The following INPP5A variants were observed in gnomAD, a reference collection of about 807,000 sequenced individuals.
INPP5A encodes the protein inositol polyphosphate-5-phosphatase A, also known as 43 kDa inositol polyphosphate 5-phophatase.
Under a neutral mutation model 65.2 loss-of-function variants are expected in INPP5A, and 14 were observed. That is an observed-to-expected ratio of 0.21 (90% CI 0.14 to 0.34). INPP5A has a LOEUF of 0.34. Among genes scored for constraint, INPP5A ranks in the 10% least tolerant of loss-of-function variants. The pLI is 1.00. For synonymous variants in INPP5A, 207 were observed against 208.3 expected, an observed-to-expected ratio of 0.99 and a Z score of 0.05; for missense variants, 431 against 545.6, an observed-to-expected ratio of 0.79 and a Z score of 2.09.
At chr10:132,763,157 C>G (rs1193598555) in intron 11 of INPP5A, among the ~76,000 whole-genome samples, 4 of 152,206 alleles carry the variant, frequency 2.6e-5, no homozygotes, top group Non-Finnish European at 4.4e-5. Flanking sequence ...GGGAACCTGC[C>G]ATCAGCATTT....
intron 9 of INPP5A, among the ~76,000 whole-genome samples, chr10:132,729,042 G>T (rs542696009): frequency 0.022 from 3,160 of 144,540 alleles, 51 homozygotes; most frequent in South Asian, 0.05. Context: ...GGACTCCAGG[G>T]CCTGTGGGGC....
At chr10:132,664,779 CCTT>C (rs2072780834) in intron 4 of INPP5A, among the ~76,000 whole-genome samples, 1 of 152,240 alleles carries the variant, frequency 6.6e-6, no homozygotes, top group Non-Finnish European at 1.5e-5. Context: ...AACCACCCAT[CCTT>C]CTGTCCCAAG....
chr10:132,623,326 T>G (rs901420486), intron 2 of INPP5A, among the ~76,000 whole-genome samples: 1 of 151,670 alleles, frequency 6.6e-6, no homozygotes, highest in African/African-American at 2.4e-5. Flanking sequence ...GAAAAGAGAT[T>G]AAGAACTAGA....
intron 2 of INPP5A, among the ~76,000 whole-genome samples, chr10:132,634,450 C>T (rs1185365565): frequency 1.3e-5 from 2 of 152,222 alleles, no homozygotes; most frequent in Admixed American, 6.5e-5. Flanking sequence ...GGTGAGTGTG[C>T]CACGGAGAGG....
rs1481501491 is a variant in INPP5A, at chr10:132,546,684, C to T, written c.75+8513C>T. ...GTGGGGTCTCCTGGCTCCTGCAGAT[C>T]TGTGTAGCCTGCACTGAACTGCCCC... On this transcript the variant is annotated intron_variant, in intron 1 of 15. Coordinates refer to ENST00000368594, the MANE Select transcript of INPP5A (RefSeq NM_005539.5). This position sits in a 1 kb window ranked among gnomAD's most constrained non-coding sequence, Gnocchi z 5.7. Among the ~76,000 whole-genome samples, 1 of 152,186 alleles carries T rather than the reference C, an allele frequency of 6.6e-6. No homozygotes were observed. Among genetic ancestry groups the T allele is most frequent in the Non-Finnish European group, 1.5e-5 (1 of 68,024 alleles).
In INPP5A at chr10:132,777,994, C is replaced by T. The variant is rs188726205; in HGVS notation, c.1089+212C>T. 8.8e-5 allele frequency: 118 copies of T among 1,346,814 alleles called. 1 individual carries two copies. The East Asian group carries it at 2.9e-3, about 33-fold the overall frequency. 83.4% of individuals were successfully genotyped at this position (1,346,814 alleles called of 1,614,324 possible). On this transcript the variant is annotated intron_variant, in intron 13 of 15. Transcript: ENST00000368594. ...TGGGCTGGGGCAGCAGCAGATGGAGCCGAGTTCCTGGGCCATGGGCAGCCA... is the reference window on the plus strand; with the variant it reads ...TGGGCTGGGGCAGCAGCAGATGGAGTCGAGTTCCTGGGCCATGGGCAGCCA...
Position 132,727,048 on chromosome 10 carries a change from A to C in INPP5A, c.732+143A>C, listed in dbSNP as rs1845998708. 4 of 520,538 alleles carry C rather than the reference A, an allele frequency of 7.7e-6. No individual in the cohort carries two copies. In the South Asian group the frequency reaches 1.2e-4, roughly 16 times the overall value. 32.2% of individuals were successfully genotyped at this position (520,538 alleles called of 1,614,324 possible). A position where few individuals can be genotyped will look rare whatever the true frequency, so the allele number is the denominator to read the frequency against. ...CTTTTTAAGGCAAAACCTTTCAATG[A>C]AGAAGCATGTTTTGCTGTCGGCAGA... is the stretch of plus-strand genomic sequence containing the variant. On this transcript the variant is annotated intron_variant, in intron 9 of 15. Transcript: ENST00000368594. This position sits in a 1 kb window ranked among gnomAD's most constrained non-coding sequence, Gnocchi z 6.5.
At chr10:132,748,050 C>T (rs1273614881) in intron 9 of INPP5A, among the ~76,000 whole-genome samples, 1 of 151,994 alleles carries the variant, frequency 6.6e-6, no homozygotes, top group Non-Finnish European at 1.5e-5. Context: ...ACCCTATCTG[C>T]AAAAAAATTT....
In INPP5A at chr10:132,650,492, A is replaced by C. The variant is rs766241565; in HGVS notation, c.293A>C (p.Gln98Pro). ...RVYLDENYKS[Q>P]EHFTALGSFY... ...TACCTGGATGAAAACTACAAATCCC[A>C]GGAGCACTTCACGGTGAGTCCCTCC... Residue 98 changes from glutamine to proline, a missense_variant, in exon 4 of 16, where the codon CAG (glutamine) becomes CCG (proline). Transcript: ENST00000368594. The surrounding 1 kb of genome is among the most constrained non-coding windows in gnomAD (Gnocchi z 5.5). The C allele has an allele frequency of 5.6e-6, 9 of 1,612,798 alleles. No homozygotes were observed. In the African/African-American group the frequency reaches 8.0e-5, roughly 14 times the overall value.
intron 6 of INPP5A, among the ~76,000 whole-genome samples, chr10:132,703,488 CCACA>C (rs1321877322): frequency 1.4e-5 from 2 of 146,548 alleles, no homozygotes; most frequent in African/African-American, 5.1e-5. Context: ...GCTTCACCCC[CCACA>C]CAGTGTCTTC....
intron 2 of INPP5A, among the ~76,000 whole-genome samples, chr10:132,611,561 T>A (rs1273908855): frequency 2.7e-4 from 15 of 55,364 alleles, no homozygotes; most frequent in Admixed American, 4.1e-4. Context: ...GGAGGTGAGG[T>A]GGGAAGGGGA....
rs1006504978 is a variant in INPP5A at position 132,710,540 on chromosome 10, C to T, written c.647+84C>T. ...GTGTGAGTGGAGAGGTAGGTGTGGG[C>T]GGACAAGTAGGTATGCTGGGCAGGT... On this transcript the variant is annotated intron_variant, in intron 8 of 15. Transcript: ENST00000368594. 1.3e-4 allele frequency: 200 copies of T among 1,512,180 alleles called. 1 individual carries two copies. Among genetic ancestry groups the T allele is most frequent in the South Asian group, 2.9e-4 (24 of 83,534 alleles). 93.7% of individuals were successfully genotyped at this position (1,512,180 alleles called of 1,614,324 possible). A position where few individuals can be genotyped will look rare whatever the true frequency, so the allele number is the denominator to read the frequency against.
intron 2 of INPP5A, among the ~76,000 whole-genome samples, chr10:132,620,593 A>G (rs2072095651): frequency 6.6e-6 from 1 of 152,240 alleles, no homozygotes; most frequent in African/African-American, 2.4e-5. Context: ...ATCATGGGTT[A>G]TGGGAATATT....
intron 12 of INPP5A, among the ~76,000 whole-genome samples, chr10:132,772,884 G>A (rs1478835284): frequency 2.1e-4 from 29 of 136,188 alleles, no homozygotes; most frequent in African/African-American, 7.2e-4. Flanking sequence ...CGGAGGCCAC[G>A]GCAGCCGCCC....
chr10:132,596,857 GCA>G lies in INPP5A; in HGVS notation c.76-11057_76-11056del, dbSNP rs780282663. Reference sequence around the variant, plus strand: ...TGTGCGTGTGTGCATGCGTGTGTGTGCATGTGTGTGCATGTGTGTGCATGCAC... The same window carrying G: ...TGTGCGTGTGTGCATGCGTGTGTGTGTGTGTGTGCATGTGTGTGCATGCAC... On this transcript the variant is annotated intron_variant, in intron 1 of 15. Transcript: ENST00000368594. Among the ~76,000 whole-genome samples, 9 of 86,772 alleles carry G rather than the reference GCA, an allele frequency of 1.0e-4. No homozygotes were observed. In the South Asian group the frequency reaches 1.9e-3, roughly 18 times the overall value. The allele number at this position is 86,772 out of a possible 152,430, so 56.9% of individuals were successfully genotyped here.
At chr10:132,594,829 G>A (rs2071663531) in intron 1 of INPP5A, among the ~76,000 whole-genome samples, 1 of 152,132 alleles carries the variant, frequency 6.6e-6, no homozygotes. Context: ...TGCCAGCCCT[G>A]CAGGCTGTAT....
Position 132,650,560 on chromosome 10 carries a change from GC to G in INPP5A, c.306+57del, listed in dbSNP as rs1157414298. On this transcript the variant is annotated intron_variant, in intron 4 of 15. Transcript: ENST00000368594. This position sits in a 1 kb window ranked among gnomAD's most constrained non-coding sequence, Gnocchi z 5.5. ...GTCAGACAGGCTGGCCTTGGCAGAA[GC>G]CAGCCCTTCTCCTGTGTAAATGGAG... 4 of 1,281,326 alleles carry G rather than the reference GC, an allele frequency of 3.1e-6. No individual in the cohort carries two copies. Among genetic ancestry groups the G allele is most frequent in the Non-Finnish European group, 4.5e-6 (4 of 882,464 alleles). The allele number at this position is 1,281,326 out of a possible 1,614,324, so 79.4% of individuals were successfully genotyped here.
chr10:132,703,505 CCA>C (rs111386654), intron 6 of INPP5A, among the ~76,000 whole-genome samples: 6,016 of 139,338 alleles, frequency 0.043, 157 homozygotes, highest in Middle Eastern at 0.066. Flanking sequence ...GTGTCTTCAC[CCA>C]CACACACACA....
chr10:132,661,538 C>T (rs564322980), intron 4 of INPP5A, among the ~76,000 whole-genome samples: 12 of 152,214 alleles, frequency 7.9e-5, no homozygotes, highest in African/African-American at 2.9e-4. Context: ...TAAATAAGAT[C>T]TAAATAAATG....
Sources: allele counts gnomAD v4.1 joint callset (sites outside exome capture counted in the v4.1 genomes callset), GRCh38; gene constraint gnomAD v4.1.1; non-coding constraint Gnocchi (gnomAD v3.1); transcripts MANE v1.5; gene names NCBI Gene and HGNC (gene_info 2026-07-23, HGNC 2026-07-21).